IFT43: variants seen among roughly 807,000 people sequenced by gnomAD.
The protein encoded by IFT43 is intraflagellar transport protein 43 homolog.
In IFT43, 33 loss-of-function variants were observed where a neutral mutation model predicts 32.3. The observed-to-expected ratio is 1.02, with a 90% CI of 0.77 to 1.37. The LOEUF (loss-of-function observed/expected upper bound fraction) is 1.37. Among genes scored for constraint, IFT43 ranks in the 40% most tolerant of loss-of-function variants. The pLI, the probability that IFT43 is intolerant of heterozygous loss-of-function variation, is 0.00. For missense variants in IFT43, 274 were observed against 265.9 expected, an observed-to-expected ratio of 1.03 and a Z score of -0.21; for synonymous variants, 93 against 98.2, an observed-to-expected ratio of 0.95 and a Z score of 0.31.
chr14:76,032,583 G>A (rs2036527848), intron 3 of IFT43, among the ~76,000 whole-genome samples: 1 of 152,116 alleles, frequency 6.6e-6, no homozygotes, highest in Non-Finnish European at 1.5e-5. Flanking sequence ...CTGCTGCAAT[G>A]TAAGCTCTAT....
In IFT43 at chr14:75,988,986, TA is replaced by T. The variant is rs747593685; in HGVS notation, c.147+18del. Reference sequence around the variant, plus strand: ...TGACTCTGACTGGAGAGGTGGGTGCTAAAAAAAAAGAAAATCTGAAGAAATA... The same window carrying T: ...TGACTCTGACTGGAGAGGTGGGTGCTAAAAAAAAGAAAATCTGAAGAAATA... On this transcript the variant is annotated intron_variant, in intron 2 of 8. Transcript: ENST00000314067. 9.7e-5 allele frequency: 155 copies of T among 1,593,106 alleles called. No homozygotes were observed. Among genetic ancestry groups the T allele is most frequent in the African/African-American group, 1.8e-4 (13 of 74,038 alleles).
intron 3 of IFT43, among the ~76,000 whole-genome samples, chr14:76,043,614 A>G (rs2036748937): frequency 6.6e-6 from 1 of 152,184 alleles, no homozygotes; most frequent in Non-Finnish European, 1.5e-5. Flanking sequence ...TGCAGATGTA[A>G]AAAGAAATCT....
At chr14:75,999,990 A>G (rs1466424756) in intron 2 of IFT43, among the ~76,000 whole-genome samples, 1 of 152,234 alleles carries the variant, frequency 6.6e-6, no homozygotes, top group African/African-American at 2.4e-5. Flanking sequence ...GTTGGCAGGG[A>G]GATCGCTGGG....
At chr14:76,075,888 A>T (rs1282940973) in intron 5 of IFT43, among the ~76,000 whole-genome samples, 1 of 152,230 alleles carries the variant, frequency 6.6e-6, no homozygotes, top group African/African-American at 2.4e-5. Flanking sequence ...AAAAATTATA[A>T]TGATCTCTGG....
chr14:75,992,550 T>C (rs1382570174), intron 2 of IFT43, among the ~76,000 whole-genome samples: 1 of 152,054 alleles, frequency 6.6e-6, no homozygotes, highest in Non-Finnish European at 1.5e-5. Context: ...GGTTTTTTTG[T>C]TTGTTTTTGT....
chr14:75,990,382 C>T (rs1052561827), intron 2 of IFT43, among the ~76,000 whole-genome samples: 2 of 152,198 alleles, frequency 1.3e-5, no homozygotes, highest in African/African-American at 4.8e-5. Flanking sequence ...TAACTGCGGC[C>T]ATGGCACCTC....
At chr14:76,047,733 C>CT (rs74779039) in intron 3 of IFT43, among the ~76,000 whole-genome samples, 3,449 of 141,428 alleles carry the variant, frequency 0.024, 60 homozygotes, top group African/African-American at 0.057. Flanking sequence ...TCCCTCCCTC[C>CT]TTTTTTTTTT....
At chr14:76,072,923 A>G (rs569939170) in intron 5 of IFT43, among the ~76,000 whole-genome samples, 53 of 152,310 alleles carry the variant, frequency 3.5e-4, no homozygotes, top group Admixed American at 1.6e-3. Flanking sequence ...AGGAAGAGGC[A>G]CGAGCACTTC....
chr14:76,021,019 A>G (rs368545730), intron 2 of IFT43, among the ~76,000 whole-genome samples: 70 of 152,198 alleles, frequency 4.6e-4, no homozygotes, highest in African/African-American at 1.7e-3. Flanking sequence ...CTCGCAGACT[A>G]TGCATGGGTG....
At chr14:76,072,917 A>G (rs1461678171) in intron 5 of IFT43, among the ~76,000 whole-genome samples, 1 of 152,198 alleles carries the variant, frequency 6.6e-6, no homozygotes, top group East Asian at 1.9e-4. Context: ...GCTTTCAGGA[A>G]GAGGCACGAG....
chr14:76,044,327 A>G (rs1299515584), intron 3 of IFT43, among the ~76,000 whole-genome samples: 1 of 152,188 alleles, frequency 6.6e-6, no homozygotes, highest in African/African-American at 2.4e-5. Flanking sequence ...GGCGTGAGCC[A>G]CCATGCCAGG....
chr14:75,989,109 T>C, intron 2 of IFT43, 132 bp downstream of exon 2: 1 of 1,163,854 alleles, frequency 8.6e-7, no homozygotes, highest in Non-Finnish European at 1.2e-6. Flanking sequence ...GATTTGGGAA[T>C]TCCCTTCCTT....
intron 3 of IFT43, among the ~76,000 whole-genome samples, chr14:76,045,207 A>G (rs1385492077): frequency 6.6e-6 from 1 of 152,192 alleles, no homozygotes; most frequent in Admixed American, 6.5e-5. Context: ...TTTTCAGGCT[A>G]GACAAAGTTG....
intron 1 of IFT43, among the ~76,000 whole-genome samples, chr14:75,987,099 AAGTT>A (rs2070195134): frequency 6.6e-6 from 1 of 152,250 alleles, no homozygotes. Flanking sequence ...GGTCTTCAAA[AAGTT>A]TAAAACCTTG....
chr14:76,062,938 A>AAAAGAAAAGAAAAAAG (rs1555367538), intron 5 of IFT43, among the ~76,000 whole-genome samples: 2 of 120,832 alleles, frequency 1.7e-5, no homozygotes, highest in African/African-American at 6.6e-5. Context: ...AAAAAAAAAA[A>AAAAGAAAAGAAAAAAG]AAAGAAAATA....
intron 3 of IFT43, among the ~76,000 whole-genome samples, chr14:76,023,216 T>G (rs1259349188): frequency 2.0e-5 from 3 of 152,238 alleles, no homozygotes; most frequent in African/African-American, 7.2e-5. Context: ...TGATGATCCC[T>G]ACAGGGTGAT....
chr14:76,021,805 A>G (rs1483642331), intron 2 of IFT43, among the ~76,000 whole-genome samples: 1 of 152,256 alleles, frequency 6.6e-6, no homozygotes, highest in Non-Finnish European at 1.5e-5. Context: ...ATAGCCCTCC[A>G]GAAACATGGT....
intron 5 of IFT43, among the ~76,000 whole-genome samples, chr14:76,069,788 G>A (rs191861108): frequency 6.6e-5 from 10 of 152,274 alleles, no homozygotes; most frequent in Admixed American, 6.5e-4. Flanking sequence ...TTGCCTTTTA[G>A]CAGAGCCCAA....
chr14:76,062,860 T>G (rs1360345054), intron 5 of IFT43, among the ~76,000 whole-genome samples: 1 of 131,472 alleles, frequency 7.6e-6, no homozygotes, highest in African/African-American at 2.9e-5. Context: ...GAGGTTGCAG[T>G]GAGGCGGAGT....
Sources: gnomAD v4.1 joint callset for allele counts (sites outside exome capture counted in the v4.1 genomes callset) on GRCh38, gnomAD v4.1.1 for gene constraint, MANE v1.5 for transcripts, NCBI Gene and HGNC (gene_info 2026-07-23, HGNC 2026-07-21) for gene names.